The following LMNA variants were observed in gnomAD, a reference collection of about 807,000 sequenced individuals.
LMNA encodes the protein lamin.
A neutral mutation model predicts 70.4 loss-of-function variants in LMNA; 20 were observed. The observed-to-expected ratio is 0.28, with a 90% confidence interval of 0.20 to 0.41. LMNA has a LOEUF of 0.41. Among genes scored for constraint, LMNA ranks in the 10% least tolerant of loss-of-function variants. The probability of loss-of-function intolerance (pLI) is 1.00; values close to 1 mark genes in which losing one functional copy is unlikely to be tolerated. For synonymous variants in LMNA, 339 were observed against 372.8 expected (o/e 0.91, Z 1.04); for missense variants, 652 against 917.2 (o/e 0.71, Z 3.73).
rs769561386 is a variant in LMNA, at chr1:156,138,575, G to A, written c.1786G>A (p.Asp596Asn). ...GTGCGGGACCTGCGGGCAGCCTGCC[G>A]ACAAGGCATCTGCCAGCGGCTCAGG... ...VLCGTCGQPA[D>N]KASASGSGAQ... The change falls in exon 11 of 12, where the codon GAC becomes AAC. Residue 596 changes from aspartate (D) to asparagine (N), a missense_variant. Physicochemically the swap from Asp to Asn is conservative, Grantham distance 23. Around this residue, in one of 4 missense-constraint regions of LMNA, gnomAD observed 327 missense variants for 387.6 expected, o/e 0.84. Transcript: ENST00000368300. The surrounding 1 kb of genome is among the most constrained non-coding windows in gnomAD (Gnocchi z 5.5). 3.1e-5 allele frequency: 50 copies of A among 1,612,558 alleles called. No individual in the cohort carries two copies. The highest frequency in any genetic ancestry group is 3.9e-5 in the Non-Finnish European group (46 of 1,179,806).
chr1:156,120,488 G>A (rs1012359565), intron 1 of LMNA, among the ~76,000 whole-genome samples: 3 of 152,168 alleles, frequency 2.0e-5, no homozygotes, highest in Admixed American at 6.5e-5. Flanking sequence ...CAGTGCTTTG[G>A]GAGGCTAAGG....
chr1:156,117,102 T>TA (rs1019656638), intron 1 of LMNA, among the ~76,000 whole-genome samples: 15 of 108,262 alleles, frequency 1.4e-4, no homozygotes, highest in African/African-American at 2.0e-4. Context: ...TTTTTTTTTT[T>TA]AATTTTTAGT....
At chr1:156,092,468 C>G (rs1403871629) in intron 3 of LMNA, among the ~76,000 whole-genome samples, 1 of 151,480 alleles carries the variant, frequency 6.6e-6, no homozygotes, top group African/African-American at 2.4e-5. Flanking sequence ...CACTTGAGGT[C>G]GGGAGTTTGA....
chr1:156,122,597 C>A (rs1416869762), intron 1 of LMNA, among the ~76,000 whole-genome samples: 2 of 152,184 alleles, frequency 1.3e-5, no homozygotes, highest in Non-Finnish European at 2.9e-5. Flanking sequence ...AAGGGCAACT[C>A]GTTTTCGATG....
At chr1:156,110,293 C>T (rs1649488008), upstream of LMNA, among the ~76,000 whole-genome samples, 1 of 152,156 alleles carries the variant, frequency 6.6e-6, no homozygotes, top group Admixed American at 6.6e-5. Flanking sequence ...ACTTCTGCAT[C>T]CCTGGTGTCT....
chr1:156,096,188 T>C (rs1432935615), intron 3 of LMNA, among the ~76,000 whole-genome samples: 1 of 152,110 alleles, frequency 6.6e-6, no homozygotes, highest in Non-Finnish European at 1.5e-5. Flanking sequence ...TCTCCTCCTC[T>C]GTCTACACAG....
At position 156,136,230 on chromosome 1, in the gene LMNA, AG is replaced by A; in HGVS notation, c.1175del (p.Ser392ThrfsTer88). 6.2e-7 allele frequency: 1 copy of A among 1,612,482 alleles called. No homozygotes were observed. Among genetic ancestry groups the A allele is most frequent in the Admixed American group, 1.7e-5 (1 of 60,032 alleles). On this transcript the variant is annotated frameshift_variant, in exon 7 of 12. Coordinates refer to ENST00000368300, the MANE Select transcript of LMNA (RefSeq NM_170707.4). LOFTEE classifies it high-confidence loss of function. This position sits in a 1 kb window ranked among gnomAD's most constrained non-coding sequence, Gnocchi z 6.1. Reference protein sequence around the residue: ...GEEERLRLSPSPTSQRSRGRA... With the variant: ...GEEERLRLSPXPTSQRSRGRA... Reference sequence around the variant, plus strand: ...TCTCCCCAGGCTACGCCTGTCCCCCAGCCCTACCTCGCAGCGCAGCCGTGGC... The same window carrying A: ...TCTCCCCAGGCTACGCCTGTCCCCCACCCTACCTCGCAGCGCAGCCGTGGC...
chr1:156,139,712 C>T lies in LMNA; in HGVS notation c.*606C>T, dbSNP rs1398490730. ...CAGTCCCCACCCCTGCCCCCAGCCC[C>T]GGGGTGAGTCCATTCTCCCAGGTAC... is the stretch of plus-strand genomic sequence containing the variant. On this transcript the variant is annotated 3_prime_UTR_variant, in exon 12 of 12. Coordinates refer to ENST00000368300, the MANE Select transcript of LMNA (RefSeq NM_170707.4). The T allele has an allele frequency of 1.2e-5, 18 of 1,529,804 alleles. No homozygotes were observed. The highest frequency in any genetic ancestry group is 3.6e-5 in the South Asian group (3 of 83,802). 94.8% of individuals were successfully genotyped at this position (1,529,804 alleles called of 1,614,324 possible).
chr1:156,130,846 C>G, intron 2 of LMNA, 73 bp downstream of exon 2: 6 of 1,439,212 alleles, frequency 4.2e-6, no homozygotes, highest in Non-Finnish European at 5.7e-6. Flanking sequence ...CCTAGGCCCT[C>G]CCCCATGTGG....
rs1423621549 is a variant in LMNA, at chr1:156,132,835, C to CT, written c.514-1567dup. 3.4e-3 allele frequency among the ~76,000 whole-genome samples: 446 copies of CT among 131,070 alleles called. 3 individuals carry two copies. The highest frequency in any genetic ancestry group is 0.011 in the African/African-American group (401 of 35,646). The allele number at this position is 131,070 out of a possible 152,430, so 86.0% of individuals were successfully genotyped here. On this transcript the variant is annotated intron_variant, in intron 2 of 11. Transcript: ENST00000368300. ...GAGCCATGTTCTCCTCTCTCTCTCT[C>CT]TCTTTTTTTTTTTTTTTTTTTTGAG...
At chr1:156,096,981 G>A (rs1648960230) in intron 3 of LMNA, among the ~76,000 whole-genome samples, 1 of 152,252 alleles carries the variant, frequency 6.6e-6, no homozygotes, top group South Asian at 2.1e-4. Context: ...CCTAGGGGAT[G>A]TCCAGCCTAA....
rs770389147 is a variant in LMNA, at chr1:156,138,679, G to C, written c.1890G>C (p.Gly630=). 4.3e-6 allele frequency: 7 copies of C among 1,613,718 alleles called. No homozygotes were observed. The highest frequency in any genetic ancestry group is 5.9e-6 in the Non-Finnish European group (7 of 1,179,998). Residue 630 remains glycine (G), a synonymous_variant, in exon 11 of 12, where the codon GGG becomes GGC. Transcript: ENST00000368300. This position sits in a 1 kb window ranked among gnomAD's most constrained non-coding sequence, Gnocchi z 5.5. ...TCACTCGCAGCTACCGCAGTGTGGG[G>C]GGCAGTGGGGGTGGCAGCTTCGGGG... is the stretch of plus-strand genomic sequence containing the variant. ...VTVTRSYRSV[G]GSGGGSFGDN...
At chr1:156,104,463 C>T (rs1405290603) in intron 3 of LMNA, among the ~76,000 whole-genome samples, 1 of 152,114 alleles carries the variant, frequency 6.6e-6, no homozygotes, top group Non-Finnish European at 1.5e-5. Context: ...TCCAGAGCCC[C>T]CTGGACTGGA....
At chr1:156,125,948 G>A (rs960986429) in intron 1 of LMNA, among the ~76,000 whole-genome samples, 1 of 152,016 alleles carries the variant, frequency 6.6e-6, no homozygotes, top group South Asian at 2.1e-4. Flanking sequence ...TCACCTGGGC[G>A]ACAGAATGAG....
In LMNA at chr1:156,137,869, C is replaced by T. The variant is rs543538746; in HGVS notation, c.1698+126C>T. On this transcript the variant is annotated intron_variant, in intron 10 of 11. Transcript: ENST00000368300. This position sits in a 1 kb window ranked among gnomAD's most constrained non-coding sequence, Gnocchi z 4.6. ...TTAAAGAATGTTTTGGAACTTTACT[C>T]GCTGGCCTGGCCTTTCTTCTCTCTC... is the stretch of plus-strand genomic sequence containing the variant. The T allele has an allele frequency of 1.6e-4, 237 of 1,522,634 alleles. 1 individual carries two copies. Among genetic ancestry groups the T allele is most frequent in the South Asian group, 6.8e-4 (56 of 82,104 alleles). The allele number at this position is 1,522,634 out of a possible 1,614,324, so 94.3% of individuals were successfully genotyped here.
intron 3 of LMNA, among the ~76,000 whole-genome samples, chr1:156,097,952 C>T (rs982660689): frequency 4.6e-5 from 7 of 151,020 alleles, no homozygotes; most frequent in South Asian, 2.1e-4. Flanking sequence ...TGTGTGCGTG[C>T]GTGTGTGTGT....
intron 3 of LMNA, among the ~76,000 whole-genome samples, chr1:156,096,474 T>G (rs977116758): frequency 2.6e-5 from 4 of 152,258 alleles, no homozygotes; most frequent in African/African-American, 9.6e-5. Context: ...TAATAAATGT[T>G]GGTGATTATT....
chr1:156,086,676 T>C (rs1648492694), intron 2 of LMNA, among the ~76,000 whole-genome samples: 1 of 152,246 alleles, frequency 6.6e-6, no homozygotes, highest in Non-Finnish European at 1.5e-5. Flanking sequence ...AGTCTCGCTC[T>C]GTTGCCAGGC....
intron 1 of LMNA, among the ~76,000 whole-genome samples, chr1:156,120,619 G>A (rs139860915): frequency 0.011 from 1,685 of 152,214 alleles, 11 homozygotes; most frequent in Non-Finnish European, 0.018. Flanking sequence ...AAGCTGAGGC[G>A]GGAGGATCAC....
Sources: gnomAD v4.1 joint callset for allele counts (sites outside exome capture counted in the v4.1 genomes callset) on GRCh38, gnomAD v4.1.1 for gene constraint, gnomAD v4.1.1 regional missense constraint, Gnocchi (gnomAD v3.1) non-coding constraint, MANE v1.5 for transcripts, NCBI Gene and HGNC (gene_info 2026-07-23, HGNC 2026-07-21) for gene names.